Variants in PIEZO2 observed in about 807,000 individuals in gnomAD.
PIEZO2 encodes the protein piezo type mechanosensitive ion channel component 2.
In PIEZO2, 172 loss-of-function variants were observed where a neutral mutation model predicts 337.3. The observed-to-expected ratio is 0.51, with a 90% CI of 0.45 to 0.58. The LOEUF is 0.58. Among genes scored for constraint, PIEZO2 ranks in the 20% least tolerant of loss-of-function variants. The probability of loss-of-function intolerance (pLI) is 0.00; values close to 1 mark genes in which losing one functional copy is unlikely to be tolerated. For synonymous variants in PIEZO2, 1,251 were observed against 1,228.5 expected (o/e 1.02, Z -0.38); for missense variants, 3,028 against 3,391.3 (o/e 0.89, Z 2.66).
chr18:11,107,113 T>C (rs925110383), intron 1 of PIEZO2, among the ~76,000 whole-genome samples: 3 of 152,006 alleles, frequency 2.0e-5, no homozygotes, highest in Admixed American at 2.0e-4. Flanking sequence ...GAAGGGGAGG[T>C]AGATTAACAA....
intron 2 of PIEZO2, among the ~76,000 whole-genome samples, chr18:11,010,216 G>A (rs1196930071): frequency 1.3e-5 from 2 of 152,156 alleles, no homozygotes; most frequent in Non-Finnish European, 2.9e-5. Context: ...GCTATGGATA[G>A]CACCTGTCTT....
chr18:10,675,419 T>C, intron 53 of PIEZO2, 131 bp from the exon 54 acceptor site: 1 of 471,398 alleles, frequency 2.1e-6, no homozygotes, highest in Non-Finnish European at 3.7e-6. Flanking sequence ...GTACAATGTG[T>C]AGACATCATA....
intron 4 of PIEZO2, among the ~76,000 whole-genome samples, chr18:10,910,332 A>C (rs1255956459): frequency 6.6e-6 from 1 of 152,220 alleles, no homozygotes; most frequent in Non-Finnish European, 1.5e-5. Context: ...CTGTCATCCC[A>C]AGCCCTCTGG....
intron 3 of PIEZO2, among the ~76,000 whole-genome samples, chr18:10,958,938 A>G (rs937026001): frequency 4.6e-5 from 7 of 152,210 alleles, no homozygotes; most frequent in African/African-American, 1.4e-4. Flanking sequence ...TAAAAATTAC[A>G]TCATTATTGA....
At chr18:11,136,409 T>C (rs537067923) in intron 1 of PIEZO2, among the ~76,000 whole-genome samples, 46 of 152,346 alleles carry the variant, frequency 3.0e-4, no homozygotes, top group African/African-American at 1.1e-3. Flanking sequence ...CTCACTGCCT[T>C]GTAATCTGAC....
rs1223316271 is a variant in PIEZO2, at chr18:10,903,557, C to G, written c.329+7629G>C. Among the ~76,000 whole-genome samples, 2 of 152,026 alleles carry G rather than the reference C, an allele frequency of 1.3e-5. No homozygotes were observed. Among genetic ancestry groups the G allele is most frequent in the Non-Finnish European group, 2.9e-5 (2 of 68,010 alleles). ...TAGTGGCGCGCTCCTGTAGTCCCAG[C>G]TACTTGGGAGGCTGAGGCAGGAGAA... On this transcript the variant is annotated intron_variant, in intron 4 of 55. Coordinates refer to ENST00000674853, the MANE Select transcript of PIEZO2 (RefSeq NM_001378183.1). This position sits in a 1 kb window ranked among gnomAD's most constrained non-coding sequence, Gnocchi z 4.1.
intron 3 of PIEZO2, among the ~76,000 whole-genome samples, chr18:10,932,953 A>G (rs2032178704): frequency 6.6e-6 from 1 of 151,992 alleles, no homozygotes; most frequent in Non-Finnish European, 1.5e-5. Context: ...AAATATGAAA[A>G]GGAAAGGAGA....
chr18:10,800,388 C>T lies in PIEZO2; in HGVS notation c.1327G>A (p.Asp443Asn), dbSNP rs1236286700. ...LPMENGPGKA[D>N]LYSTPQYRWE... is the part of the protein sequence containing the mutation. ...CGGTACTGAGGGGTGGAGTAGAGGT[C>T]GGCTTTGCCAGGGCCGTTCTCCATG... Residue 443 changes from aspartate (D) to asparagine (N), a missense_variant, in exon 11 of 56, where the codon GAC becomes AAC. By Grantham distance (23) the Asp-to-Asn change is conservative. Coordinates refer to ENST00000674853, the MANE Select transcript of PIEZO2 (RefSeq NM_001378183.1). 5.2e-6 allele frequency: 8 copies of T among 1,535,828 alleles called. No homozygotes were observed. The East Asian group carries it at 1.2e-4, about 24-fold the overall frequency.
At position 10,833,355 on chromosome 18, in the gene PIEZO2, T is replaced by C. The variant is rs2040908902; in HGVS notation, c.917+21998A>G. On this transcript the variant is annotated intron_variant, in intron 7 of 55. Transcript: ENST00000674853. This position sits in a 1 kb window ranked among gnomAD's most constrained non-coding sequence, Gnocchi z 4.7. ...TCTTCTGGTACTTCGGAGCCCACTG[T>C]GACACCTGCAGCCTCGCCCTCTCCT... Among the ~76,000 whole-genome samples the C allele has an allele frequency of 6.6e-6, 1 of 152,174 alleles. No individual in the cohort carries two copies. Among genetic ancestry groups the C allele is most frequent in the Non-Finnish European group, 1.5e-5 (1 of 68,024 alleles).
In PIEZO2 at chr18:10,942,857, C is replaced by T. The variant is rs1323295061; in HGVS notation, c.287-31629G>A. On this transcript the variant is annotated intron_variant, in intron 3 of 55. Coordinates refer to ENST00000674853, the MANE Select transcript of PIEZO2 (RefSeq NM_001378183.1). The surrounding 1 kb of genome is among the most constrained non-coding windows in gnomAD (Gnocchi z 4.4). ...GATTTAGTAGGCCAGGCTCAGGGTCCCCGTGCTGTGTGCAGCCTAGGGAAT... is the reference window on the plus strand; with the variant it reads ...GATTTAGTAGGCCAGGCTCAGGGTCTCCGTGCTGTGTGCAGCCTAGGGAAT... Among the ~76,000 whole-genome samples, 1 of 152,152 alleles carries T rather than the reference C, an allele frequency of 6.6e-6. No homozygotes were observed. The highest frequency in any genetic ancestry group is 1.5e-5 in the Non-Finnish European group (1 of 68,030).
chr18:10,776,148 T>C (rs1298763249), intron 18 of PIEZO2, among the ~76,000 whole-genome samples: 1 of 152,206 alleles, frequency 6.6e-6, no homozygotes, highest in African/African-American at 2.4e-5. Context: ...GGTAACATTG[T>C]TTTTAGAGGC....
chr18:11,033,955 T>C lies in PIEZO2; in HGVS notation c.160+32172A>G, dbSNP rs1158206557. ...CCTGAAAAACTTATACGAGCTAATG[T>C]TGTGCTGATTTGAAACTGAAGGGGA... On this transcript the variant is annotated intron_variant, in intron 2 of 55. Transcript: ENST00000674853. This position sits in a 1 kb window ranked among gnomAD's most constrained non-coding sequence, Gnocchi z 4.2. Among the ~76,000 whole-genome samples, 1 of 152,034 alleles carries C rather than the reference T, an allele frequency of 6.6e-6. No individual in the cohort carries two copies.
At chr18:10,959,964 T>C (rs2033695394) in intron 3 of PIEZO2, among the ~76,000 whole-genome samples, 1 of 152,188 alleles carries the variant, frequency 6.6e-6, no homozygotes, top group African/African-American at 2.4e-5. Context: ...TTAAAACAGC[T>C]ATATTCCTAC....
intron 48 of PIEZO2, 61 bp from the exon 49 acceptor site, chr18:10,689,863 C>T: frequency 1.9e-6 from 3 of 1,544,410 alleles, no homozygotes; most frequent in Non-Finnish European, 2.6e-6. Context: ...ACCCTGCTCA[C>T]CCAGGAGCTC....
chr18:10,733,067 GGAGGAAAAGGGGA>G (rs2036850041), intron 35 of PIEZO2, among the ~76,000 whole-genome samples: 1 of 152,128 alleles, frequency 6.6e-6, no homozygotes, highest in East Asian at 1.9e-4. Context: ...AAGGAAACTG[GGAGGAAAAGGGGA>G]GAGGAAAAGG....
chr18:10,725,175 C>T, intron 36 of PIEZO2: 1 of 1,519,520 alleles, frequency 6.6e-7, no homozygotes, highest in Non-Finnish European at 9.1e-7. Context: ...CTGGACAGTT[C>T]ATCCATCAGG....
At chr18:10,944,511 GTAACAGATATATAT>G (rs2032909544) in intron 3 of PIEZO2, among the ~76,000 whole-genome samples, 1 of 18,852 alleles carries the variant, frequency 5.3e-5, no homozygotes, top group Non-Finnish European at 1.1e-4. Context: ...ATATATCTTA[GTAACAGATATATAT>G]ATATATATAT....
chr18:10,751,423 C>T (rs1020818481), intron 28 of PIEZO2, among the ~76,000 whole-genome samples: 3 of 152,208 alleles, frequency 2.0e-5, no homozygotes, highest in Non-Finnish European at 4.4e-5. Flanking sequence ...TCTTCAACAA[C>T]TCTCAATGCT....
chr18:11,098,676 G>A (rs1017157987), intron 1 of PIEZO2, among the ~76,000 whole-genome samples: 3 of 151,654 alleles, frequency 2.0e-5, no homozygotes, highest in Admixed American at 6.6e-5. Flanking sequence ...CTCAGAAGGA[G>A]TTTGTTTTGA....
Sources: allele counts gnomAD v4.1 joint callset (sites outside exome capture counted in the v4.1 genomes callset), GRCh38; gene constraint gnomAD v4.1.1; non-coding constraint Gnocchi (gnomAD v3.1); transcripts MANE v1.5; gene names NCBI Gene and HGNC (gene_info 2026-07-23, HGNC 2026-07-21).